The following MUC5B variants were observed in gnomAD, a reference collection of about 807,000 sequenced individuals.
The protein encoded by MUC5B is mucin 5B, oligomeric mucus/gel-forming, also known as mucin-5B.
In MUC5B, 116 loss-of-function variants were observed where a neutral mutation model predicts 376.9. The observed-to-expected ratio is 0.31, with a 90% CI of 0.26 to 0.36. The LOEUF (loss-of-function observed/expected upper bound fraction) is 0.36, where lower values mean the gene tolerates loss of function less well. Ranked by LOEUF, MUC5B falls within the 10% of genes least tolerant of loss-of-function variation. MUC5B has a pLI of 1.00. For missense variants in MUC5B, 7,165 were observed against 7,769.9 expected, an observed-to-expected ratio of 0.92 and a Z score of 2.93; for synonymous variants, 3,517 against 3,390.9, an observed-to-expected ratio of 1.04 and a Z score of -1.29.
At position 1,250,902 on chromosome 11, in the gene MUC5B, T is replaced by C. The variant is rs1228886334; in HGVS notation, c.14022T>C (p.Ser4674=). 3.8e-6 allele frequency: 6 copies of C among 1,587,514 alleles called. No homozygotes were observed. The highest frequency in any genetic ancestry group is 1.8e-5 in the Admixed American group (1 of 55,126). ...MATPSSSTQT[S]GTPPSLTTTA... is the part of the protein sequence containing the mutation. ...CACCCTCCTCTAGCACACAGACCAG[T>C]GGTACTCCCCCATCACTGACCACCA... Residue 4674 remains serine, a synonymous_variant, in exon 31 of 49, where the codon AGT becomes AGC. Transcript: ENST00000529681.
intron 19 of MUC5B, 62 bp downstream of exon 19, chr11:1,233,910 C>A: frequency 6.8e-7 from 1 of 1,478,266 alleles, no homozygotes; most frequent in Non-Finnish European, 9.2e-7. Context: ...CCTGGCCTGG[C>A]CCCAACACGC....
In MUC5B at chr11:1,227,104, C is replaced by A. The variant is rs867436273; in HGVS notation, c.535C>A (p.Leu179Met). ...SGDYIKVSIR[L>M]VLTFLWNGED... is the part of the protein sequence containing the mutation. ...GGACTACATCAAGGTCAGCATCCGG[C>A]TGGTGCTGACATTCCTGTGGAACGG... is the stretch of plus-strand genomic sequence containing the variant. Residue 179 changes from leucine (L) to methionine (M), a missense_variant, in exon 5 of 49, where the codon CTG (leucine) becomes ATG (methionine). By Grantham distance (15) the Leu-to-Met change is conservative. This residue lies in a region of MUC5B where 640 missense variants were observed against 733.0 expected (regional missense o/e 0.87). Transcript: ENST00000529681. 1.2e-6 allele frequency: 2 copies of A among 1,612,534 alleles called. No individual in the cohort carries two copies.
At chr11:1,254,618 G>A in intron 34 of MUC5B, 76 bp from the exon 35 acceptor site, 1 of 1,451,876 alleles carries the variant, frequency 6.9e-7, no homozygotes, top group Admixed American at 2.2e-5. Context: ...TGGAGGCAGA[G>A]CCCCAAAGAG....
intron 38 of MUC5B, among the ~76,000 whole-genome samples, 166 bp downstream of exon 38, chr11:1,256,391 G>C (rs1198018369): frequency 6.6e-6 from 1 of 151,986 alleles, no homozygotes; most frequent in East Asian, 1.9e-4. Context: ...AGATGCCTTA[G>C]AGACAGAGTC....
At chr11:1,223,398 C>A in intron 1 of MUC5B, 1 of 673,506 alleles carries the variant, frequency 1.5e-6, no homozygotes, top group East Asian at 2.8e-5. Context: ...CAGGGGCTGG[C>A]TTGGATGGGG....
chr11:1,232,421 G>A (rs368258106), intron 15 of MUC5B, 29 bp from the exon 16 acceptor site: 20 of 1,574,618 alleles, frequency 1.3e-5, no homozygotes, highest in African/African-American at 5.4e-5. Flanking sequence ...GGGGCAGGGC[G>A]TGGAGATGAG....
rs777625307 is a variant in MUC5B, at chr11:1,245,839, C to A, written c.8959C>A (p.Pro2987Thr). The change falls in exon 31 of 49, where the codon CCA (proline) becomes ACA (threonine). Residue 2987 changes from proline (P) to threonine (T), a missense_variant. This residue lies in a region of MUC5B where 939 missense variants were observed against 770.6 expected (regional missense o/e 1.22). Coordinates refer to ENST00000529681, the MANE Select transcript of MUC5B (RefSeq NM_002458.3). ...CTCTACGGCCACGCCCTCCTCCACT[C>A]CAGGGACGACCTGGATCCTCACAGA... is the stretch of plus-strand genomic sequence containing the variant. ...TSSTATPSSTPGTTWILTEQT... is the reference protein window; with the variant it reads ...TSSTATPSSTTGTTWILTEQT... 3 of 1,613,596 alleles carry A rather than the reference C, an allele frequency of 1.9e-6. No individual in the cohort carries two copies. In the Admixed American group the frequency reaches 5.0e-5, roughly 27 times the overall value.
chr11:1,230,531 G>A lies in MUC5B; in HGVS notation c.1401G>A (p.Arg467=), dbSNP rs1406873038. 3 of 1,611,588 alleles carry A rather than the reference G, an allele frequency of 1.9e-6. No homozygotes were observed. Among genetic ancestry groups the A allele is most frequent in the Non-Finnish European group, 2.5e-6 (3 of 1,179,152 alleles). ...DSSFTVLAEL[R]KCGLTDNENC... ...GCTTCACCGTGCTGGCTGAGCTGCG[G>A]AAGTGCGGCCTGACGGACAACGAGA... is the stretch of plus-strand genomic sequence containing the variant. The change falls in exon 12 of 49, where the codon CGG becomes CGA. Residue 467 remains arginine (R), a synonymous_variant. Transcript: ENST00000529681.
At position 1,242,680 on chromosome 11, in the gene MUC5B, C is replaced by A; in HGVS notation, c.5800C>A (p.Pro1934Thr). ...CCCGACCTCCACCCTGAGAACAGCT[C>A]CCCCTCCCAAAGTGCTGACCACCAC... is the stretch of plus-strand genomic sequence containing the variant. The part of the protein sequence containing the change: ...ATPTSTLRTA[P>T]PPKVLTTTAT... The change falls in exon 31 of 49, where the codon CCC (proline) becomes ACC (threonine). Residue 1934 changes from proline (P) to threonine (T), a missense_variant. By Grantham distance (38) the Pro-to-Thr change is conservative (BLOSUM62 -1). Coordinates refer to ENST00000529681, the MANE Select transcript of MUC5B (RefSeq NM_002458.3). The A allele has an allele frequency of 1.3e-6, 2 of 1,561,552 alleles. No homozygotes were observed. Among genetic ancestry groups the A allele is most frequent in the Non-Finnish European group, 1.8e-6 (2 of 1,132,920 alleles).
intron 26 of MUC5B, 168 bp downstream of exon 26, chr11:1,239,195 G>A: frequency 5.2e-6 from 5 of 968,738 alleles, no homozygotes; most frequent in Admixed American, 2.2e-5. Context: ...AGGAAGACCT[G>A]TGCAAAACCA....
Position 1,247,225 on chromosome 11 carries a change from A to G in MUC5B, c.10345A>G (p.Asn3449Asp). The change falls in exon 31 of 49, where the codon AAC becomes GAC. Residue 3449 changes from asparagine (N) to aspartate (D), a missense_variant. Transcript: ENST00000529681. ...GACCACCCACACACCCCCAGTGCCG[A>G]ACACCACGGCCACCACACACGGGCG... ...LGTTHTPPVP[N>D]TTATTHGRSL... 2 of 1,610,522 alleles carry G rather than the reference A, an allele frequency of 1.2e-6. No individual in the cohort carries two copies. The highest frequency in any genetic ancestry group is 1.1e-5 in the South Asian group (1 of 90,956).
In MUC5B at chr11:1,247,231, A is replaced by C. The variant is rs773685448; in HGVS notation, c.10351A>C (p.Thr3451Pro). 1 of 1,611,772 alleles carries C rather than the reference A, an allele frequency of 6.2e-7. No individual in the cohort carries two copies. Among genetic ancestry groups the C allele is most frequent in the Non-Finnish European group, 8.5e-7 (1 of 1,179,128 alleles). Residue 3451 changes from threonine to proline, a missense_variant, in exon 31 of 49, where the codon ACG becomes CCG. Physicochemically the swap from Thr to Pro is conservative, Grantham distance 38. Transcript: ENST00000529681. The part of the protein sequence containing the change: ...TTHTPPVPNT[T>P]ATTHGRSLPP... ...CCACACACCCCCAGTGCCGAACACC[A>C]CGGCCACCACACACGGGCGGTCCCT...
At chr11:1,228,369 C>T (rs987588263) in intron 7 of MUC5B, among the ~76,000 whole-genome samples, 195 bp from the exon 8 acceptor site, 1 of 152,194 alleles carries the variant, frequency 6.6e-6, no homozygotes, top group Non-Finnish European at 1.5e-5. Context: ...GTAGGGGATC[C>T]CCGGTCACGG....
At position 1,229,717 on chromosome 11, in the gene MUC5B, C is replaced by G. The variant is rs1315496789; in HGVS notation, c.1130C>G (p.Ser377Cys). Residue 377 changes from serine to cysteine, a missense_variant, in exon 10 of 49, where the codon TCT (serine) becomes TGT (cysteine). Coordinates refer to ENST00000529681, the MANE Select transcript of MUC5B (RefSeq NM_002458.3). ...PGTVLDDITHSGCLPLGQCPC... is the reference protein window; with the variant it reads ...PGTVLDDITHCGCLPLGQCPC... ...ACGGTGCTGGATGACATCACGCACTCTGGCTGCCTGCCCCTCGGGCAGTGC... is the reference window on the plus strand; with the variant it reads ...ACGGTGCTGGATGACATCACGCACTGTGGCTGCCTGCCCCTCGGGCAGTGC... 6.3e-7 allele frequency: 1 copy of G among 1,590,058 alleles called. No homozygotes were observed. Among genetic ancestry groups the G allele is most frequent in the Non-Finnish European group, 8.5e-7 (1 of 1,171,812 alleles).
rs544825537 is a variant in MUC5B at position 1,231,380 on chromosome 11, G to A, written c.1541-43G>A. On this transcript the variant is annotated intron_variant, in intron 13 of 48. Coordinates refer to ENST00000529681, the MANE Select transcript of MUC5B (RefSeq NM_002458.3). ...CTGCCCCTCCAATCTAGCCAGATCT[G>A]TCCCTGCACCCCTGACCGGCCTCTC... 3 of 1,577,340 alleles carry A rather than the reference G, an allele frequency of 1.9e-6. No homozygotes were observed. The African/African-American group carries it at 4.0e-5, about 21-fold the overall frequency.
Position 1,242,177 on chromosome 11 carries a change from AGAC to A in MUC5B, c.5301_5303del (p.Thr1768del), listed in dbSNP as rs1457368093. 2 of 1,613,532 alleles carry A rather than the reference AGAC, an allele frequency of 1.2e-6. No individual in the cohort carries two copies. The highest frequency in any genetic ancestry group is 2.2e-5 in the East Asian group (1 of 44,882). Reference sequence around the variant, plus strand: ...GCCGAGACCAGCACGCCCAGGACAGAGACGACAATGAGCCCCTTGACTAACACC... The same window carrying A: ...GCCGAGACCAGCACGCCCAGGACAGAGACAATGAGCCCCTTGACTAACACC... On this transcript the variant is annotated inframe_deletion, in exon 31 of 49. Coordinates refer to ENST00000529681, the MANE Select transcript of MUC5B (RefSeq NM_002458.3).
Position 1,236,423 on chromosome 11 carries a change from C to T in MUC5B, c.2918C>T (p.Ala973Val), listed in dbSNP as rs368017279. Reference protein sequence around the residue: ...ELILQEGTFKAVARGPGGDPP... With the variant: ...ELILQEGTFKVVARGPGGDPP... Reference sequence around the variant, plus strand: ...ATCCTCCAAGAGGGGACCTTTAAGGCGGTGGCGAGAGGGCCGGGTGGGGAC... The same window carrying T: ...ATCCTCCAAGAGGGGACCTTTAAGGTGGTGGCGAGAGGGCCGGGTGGGGAC... The change falls in exon 24 of 49, where the codon GCG becomes GTG. Residue 973 changes from alanine (A) to valine (V), a missense_variant. Around this residue, in one of 31 missense-constraint regions of MUC5B, gnomAD observed 530 missense variants for 604.0 expected, o/e 0.88. Coordinates refer to ENST00000529681, the MANE Select transcript of MUC5B (RefSeq NM_002458.3). The T allele has an allele frequency of 8.7e-5, 141 of 1,612,162 alleles. No individual in the cohort carries two copies. The highest frequency in any genetic ancestry group is 7.0e-4 in the Admixed American group (42 of 59,976).
Position 1,250,655 on chromosome 11 carries a change from A to G in MUC5B, c.13775A>G (p.Lys4592Arg), listed in dbSNP as rs1159703116. The G allele has an allele frequency of 6.2e-7, 1 of 1,605,780 alleles. No individual in the cohort carries two copies. Residue 4592 changes from lysine to arginine, a missense_variant, in exon 31 of 49, where the codon AAA becomes AGA. Physicochemically the swap from Lys to Arg is conservative, Grantham distance 26 (BLOSUM62 2). Around this residue, in one of 31 missense-constraint regions of MUC5B, gnomAD observed 730 missense variants for 592.7 expected, o/e 1.23. Transcript: ENST00000529681. ...ACCCCAGGAACAGCTCACACTACCA[A>G]AGTGCCGACTACCACAACCACGGGC... ...SSTPGTAHTT[K>R]VPTTTTTGFT... is the part of the protein sequence containing the mutation.
At position 1,260,100 on chromosome 11, in the gene MUC5B, CCCTG is replaced by C; in HGVS notation, c.16923+18_16923+21del. 6.2e-7 allele frequency: 1 copy of C among 1,611,346 alleles called. No individual in the cohort carries two copies. Among genetic ancestry groups the C allele is most frequent in the Non-Finnish European group, 8.5e-7 (1 of 1,179,026 alleles). ...CCAGCTGCAGGGTGTGTGCTGGAGG[CCCTG>C]CCCCTGCCTGGGAGTCCTTGTCCAT... On this transcript the variant is annotated intron_variant, in intron 46 of 48. Coordinates refer to ENST00000529681, the MANE Select transcript of MUC5B (RefSeq NM_002458.3).
Sources: allele counts gnomAD v4.1 joint callset (sites outside exome capture counted in the v4.1 genomes callset), GRCh38; gene constraint gnomAD v4.1.1; regional missense constraint gnomAD v4.1.1; transcripts MANE v1.5; gene names NCBI Gene and HGNC (gene_info 2026-07-23, HGNC 2026-07-21).